Variants in DCAF6 observed in about 807,000 individuals in gnomAD.
DCAF6 encodes DDB1 and CUL4 associated factor 6.
In DCAF6, 54 loss-of-function variants were observed where a neutral mutation model predicts 125.1. The observed-to-expected ratio is 0.43, with a 90% CI of 0.35 to 0.54. The LOEUF (loss-of-function observed/expected upper bound fraction) is 0.54. DCAF6 is among the 20% of genes least tolerant of loss of function. The pLI, the probability that DCAF6 is intolerant of heterozygous loss-of-function variation, is 0.01. For missense variants in DCAF6, 934 were observed against 1,161.7 expected, an observed-to-expected ratio of 0.80 and a Z score of 2.85; for synonymous variants, 371 against 390.4, an observed-to-expected ratio of 0.95 and a Z score of 0.58.
In DCAF6 at chr1:168,005,592, A is replaced by G. The variant is rs535998447; in HGVS notation, c.1378+799A>G. Among the ~76,000 whole-genome samples, 11 of 152,262 alleles carry G rather than the reference A, an allele frequency of 7.2e-5. No homozygotes were observed. The South Asian group carries it at 1.7e-3, about 23-fold the overall frequency. On this transcript the variant is annotated intron_variant, in intron 10 of 21. Coordinates refer to ENST00000367840, the MANE Select transcript of DCAF6 (RefSeq NM_001198956.2). ...CTTCTAAGGAAGAATTTTACTCAAT[A>G]TAGAGCCAGAATTATTAGCAACTAG...
At chr1:167,970,299 A>T (rs771528551) in intron 3 of DCAF6, among the ~76,000 whole-genome samples, 75 of 152,230 alleles carry the variant, frequency 4.9e-4, no homozygotes, top group Non-Finnish European at 7.9e-4. Flanking sequence ...TATTTGAAAA[A>T]ATGATACTCT....
chr1:167,976,401 G>C (rs1678168057), intron 4 of DCAF6, among the ~76,000 whole-genome samples: 1 of 152,172 alleles, frequency 6.6e-6, no homozygotes, highest in Non-Finnish European at 1.5e-5. Context: ...CAACCTGGGA[G>C]GCAGAGGTTG....
chr1:167,902,123 C>G, the DCAF6 span: 3 of 1,438,496 alleles, frequency 2.1e-6, no homozygotes, highest in East Asian at 6.8e-5. Context: ...ATCATTCTTT[C>G]TTAGTGGAAT....
the DCAF6 span, chr1:167,904,916 C>A: frequency 2.5e-6 from 4 of 1,604,088 alleles, no homozygotes; most frequent in Non-Finnish European, 2.6e-6. Flanking sequence ...CCCTACTCTG[C>A]AATCAAGCTC....
chr1:167,995,681 GA>G (rs200291600), intron 7 of DCAF6, among the ~76,000 whole-genome samples: 4,337 of 85,224 alleles, frequency 0.051, 138 homozygotes, highest in African/African-American at 0.13. Flanking sequence ...CTCAGTCTCA[GA>G]AAAAAAAAAA....
At chr1:168,057,221 T>C (rs1294102297) in intron 17 of DCAF6, among the ~76,000 whole-genome samples, 1 of 152,204 alleles carries the variant, frequency 6.6e-6, no homozygotes, top group Non-Finnish European at 1.5e-5. Flanking sequence ...TTGAAAATGG[T>C]ATGCAAATTA....
At chr1:167,897,502 A>T in the DCAF6 span, among the ~76,000 whole-genome samples, 103 of 130,154 alleles carry the variant, frequency 7.9e-4, 3 homozygotes, top group African/African-American at 2.6e-3. Context: ...ATCTCAAAAA[A>T]AAATATATAT....
chr1:168,026,181 A>G (rs1351316433), intron 12 of DCAF6, among the ~76,000 whole-genome samples: 1 of 152,092 alleles, frequency 6.6e-6, no homozygotes, highest in Non-Finnish European at 1.5e-5. Context: ...CACATTTGTA[A>G]TCATACATTT....
At chr1:168,072,300 A>T (rs1693181981) in intron 21 of DCAF6, among the ~76,000 whole-genome samples, 2 of 131,612 alleles carry the variant, frequency 1.5e-5, no homozygotes, top group African/African-American at 6.9e-5. Context: ...AGTCTAAAAA[A>T]AAAAAAAAAA....
intron 19 of DCAF6, 104 bp downstream of exon 19, chr1:168,065,850 A>C: frequency 9.2e-7 from 1 of 1,087,714 alleles, no homozygotes; most frequent in Non-Finnish European, 1.3e-6. Flanking sequence ...AATAATCCAA[A>C]CTATCTGACT....
chr1:167,958,531 C>T (rs1386182173), intron 2 of DCAF6, among the ~76,000 whole-genome samples: 3 of 151,844 alleles, frequency 2.0e-5, no homozygotes, highest in African/African-American at 4.8e-5. Flanking sequence ...GCCACACAGT[C>T]TTGATTACTG....
In DCAF6 at chr1:167,970,060, G is replaced by A. The variant is rs1455091805; in HGVS notation, c.252+3339G>A. 7.9e-5 allele frequency among the ~76,000 whole-genome samples: 12 copies of A among 152,194 alleles called. No individual in the cohort carries two copies. In the East Asian group the frequency reaches 2.3e-3, roughly 29 times the overall value. Reference sequence around the variant, plus strand: ...CCAAAGTGCTGGGGATTACAGGCGTGAACCATTGCGCCTAGCCCCCTTTTC... The same window carrying A: ...CCAAAGTGCTGGGGATTACAGGCGTAAACCATTGCGCCTAGCCCCCTTTTC... On this transcript the variant is annotated intron_variant, in intron 3 of 21. Transcript: ENST00000367840.
intron 11 of DCAF6, among the ~76,000 whole-genome samples, chr1:168,021,217 A>T (rs1193160180): frequency 2.0e-5 from 3 of 152,146 alleles, no homozygotes; most frequent in Non-Finnish European, 4.4e-5. Context: ...TTTTTTAGAA[A>T]AAATAAATGT....
the DCAF6 span, among the ~76,000 whole-genome samples, chr1:167,898,259 A>C: frequency 6.6e-6 from 1 of 152,008 alleles, no homozygotes; most frequent in Non-Finnish European, 1.5e-5. Flanking sequence ...CTTTTCTGTA[A>C]GTCTAACATG....
intron 3 of DCAF6, among the ~76,000 whole-genome samples, chr1:167,973,226 G>T (rs1013318448): frequency 6.6e-6 from 1 of 152,178 alleles, no homozygotes; most frequent in African/African-American, 2.4e-5. Flanking sequence ...GCTCCATTTG[G>T]ATTTGTCTGA....
chr1:167,868,147 G>A, the DCAF6 span, among the ~76,000 whole-genome samples: 4 of 152,276 alleles, frequency 2.6e-5, no homozygotes, highest in Admixed American at 6.5e-5. Flanking sequence ...CAGTACCAGA[G>A]ACTCCAGGAA....
chr1:167,974,399 ATG>A, intron 3 of DCAF6, among the ~76,000 whole-genome samples: 1 of 152,274 alleles, frequency 6.6e-6, no homozygotes, highest in East Asian at 1.9e-4. Flanking sequence ...GCTGTGTCTT[ATG>A]TGTACCATTT....
chr1:168,054,872 A>AGT (rs1690420205), intron 17 of DCAF6, among the ~76,000 whole-genome samples: 1 of 148,178 alleles, frequency 6.7e-6, no homozygotes, highest in Admixed American at 6.9e-5. Context: ...GCTGCAGTGC[A>AGT]GTGGTGTGAA....
Position 168,004,762 on chromosome 1 carries a change from G to T in DCAF6, c.1347G>T (p.Glu449Asp), listed in dbSNP as rs1367028955. ...ACAGTGAACAAAGGCAGTCTGTTGA[G>T]GCATCTGGACACCACACACATCATC... ...SPDSEQRQSVEASGHHTHHQS... is the reference protein window; with the variant it reads ...SPDSEQRQSVDASGHHTHHQS... Residue 449 changes from glutamate (E) to aspartate (D), a missense_variant, in exon 10 of 22, where the codon GAG (glutamate) becomes GAT (aspartate). Physicochemically the swap from Glu to Asp is conservative, Grantham distance 45. Coordinates refer to ENST00000367840, the MANE Select transcript of DCAF6 (RefSeq NM_001198956.2). The T allele has an allele frequency of 6.2e-7, 1 of 1,613,778 alleles. No individual in the cohort carries two copies. The highest frequency in any genetic ancestry group is 8.5e-7 in the Non-Finnish European group (1 of 1,179,874).
Sources: allele counts gnomAD v4.1 joint callset (sites outside exome capture counted in the v4.1 genomes callset), GRCh38; gene constraint gnomAD v4.1.1; transcripts MANE v1.5; gene names NCBI Gene and HGNC (gene_info 2026-07-23, HGNC 2026-07-21).